ARHGEF3: variants seen among roughly 807,000 people sequenced by gnomAD.
ARHGEF3 encodes 59.8 kDA protein.
In ARHGEF3, 28 loss-of-function variants were observed where a neutral mutation model predicts 63.2. The observed-to-expected ratio is 0.44, with a 90% CI of 0.33 to 0.61. The LOEUF is 0.61. Among genes scored for constraint, ARHGEF3 ranks in the 20% least tolerant of loss-of-function variants. ARHGEF3 has a pLI of 0.03. For missense variants in ARHGEF3, 533 were observed against 659.3 expected (o/e 0.81, Z 2.10); for synonymous variants, 266 against 254.2 (o/e 1.05, Z -0.44).
intron 4 of ARHGEF3, among the ~76,000 whole-genome samples, chr3:56,808,641 A>T (rs1332347367): frequency 7.3e-6 from 1 of 137,254 alleles, no homozygotes; most frequent in Non-Finnish European, 1.5e-5. Flanking sequence ...TGAAATTAGC[A>T]AATTTTTTTG....
intron 3 of ARHGEF3, among the ~76,000 whole-genome samples, chr3:56,888,234 G>C (rs1026178534): frequency 3.9e-5 from 6 of 151,972 alleles, no homozygotes; most frequent in Non-Finnish European, 7.4e-5. Flanking sequence ...CTACGAAAAG[G>C]AATGTCAGAT....
At position 56,995,190 on chromosome 3, in the gene ARHGEF3, A is replaced by C. The variant is rs544194827; in HGVS notation, c.63-36301T>G. Among the ~76,000 whole-genome samples the C allele has an allele frequency of 4.6e-5, 7 of 151,846 alleles. No homozygotes were observed. The East Asian group carries it at 1.2e-3, about 25-fold the overall frequency. On this transcript the variant is annotated intron_variant, in intron 2 of 12. Transcript: ENST00000338458. ...CTGGGGCACAGAGCACCAATTTTCA[A>C]CTCTTTGTAAAGCAATTTATGCTCA...
At chr3:56,908,567 C>T (rs988225198) in intron 3 of ARHGEF3, among the ~76,000 whole-genome samples, 15 of 152,148 alleles carry the variant, frequency 9.9e-5, no homozygotes, top group Admixed American at 7.9e-4. Flanking sequence ...GCTTCAGATA[C>T]GAGGGACAAG....
intron 2 of ARHGEF3, among the ~76,000 whole-genome samples, chr3:57,015,543 C>T (rs111858145): frequency 0.015 from 2,150 of 140,846 alleles, 56 homozygotes; most frequent in African/African-American, 0.051. Context: ...AAGCTATCCT[C>T]CCGCCTCAGC....
At chr3:56,828,886 A>G (rs2038830794) in intron 4 of ARHGEF3, among the ~76,000 whole-genome samples, 1 of 152,074 alleles carries the variant, frequency 6.6e-6, no homozygotes, top group Admixed American at 6.6e-5. Context: ...TACACACACC[A>G]CTGTTTCTCT....
At chr3:56,968,076 T>TA (rs1700684137) in intron 2 of ARHGEF3, among the ~76,000 whole-genome samples, 1 of 57,274 alleles carries the variant, frequency 1.7e-5, no homozygotes, top group African/African-American at 6.8e-5. Flanking sequence ...ATATAATATA[T>TA]TATATATTTA....
At chr3:56,889,047 C>T (rs1366940504) in intron 3 of ARHGEF3, among the ~76,000 whole-genome samples, 1 of 152,006 alleles carries the variant, frequency 6.6e-6, no homozygotes, top group Non-Finnish European at 1.5e-5. Context: ...GTGAACATTG[C>T]CAGAGACTCG....
intron 2 of ARHGEF3, among the ~76,000 whole-genome samples, chr3:56,961,791 C>T (rs1047644873): frequency 6.6e-6 from 1 of 152,164 alleles, no homozygotes; most frequent in Non-Finnish European, 1.5e-5. Flanking sequence ...GCCTGTAATC[C>T]CAGCATTTTG....
At chr3:56,843,453 G>C (rs890099142) in intron 4 of ARHGEF3, among the ~76,000 whole-genome samples, 18 of 150,396 alleles carry the variant, frequency 1.2e-4, no homozygotes, top group Non-Finnish European at 2.1e-4. Context: ...TTTTTATAGA[G>C]AAAGGGTTTC....
chr3:56,836,848 G>A (rs541013322), intron 4 of ARHGEF3, among the ~76,000 whole-genome samples: 2 of 152,242 alleles, frequency 1.3e-5, no homozygotes, highest in South Asian at 4.1e-4. Flanking sequence ...TATCACCTGA[G>A]CCTGAGAGGT....
intron 1 of ARHGEF3, among the ~76,000 whole-genome samples, chr3:57,064,112 C>CA (rs1705388292): frequency 6.6e-6 from 1 of 151,946 alleles, no homozygotes; most frequent in African/African-American, 2.4e-5. Flanking sequence ...ACCAAAAATA[C>CA]AAAAAAATTA....
At chr3:56,766,445 A>G (rs558980367) in intron 2 of ARHGEF3, among the ~76,000 whole-genome samples, 4 of 152,334 alleles carry the variant, frequency 2.6e-5, no homozygotes, top group Non-Finnish European at 4.4e-5. Context: ...GTTGAAGAAG[A>G]TGGGCAGGGC....
At chr3:56,984,979 A>C (rs1701476831) in intron 2 of ARHGEF3, among the ~76,000 whole-genome samples, 1 of 152,210 alleles carries the variant, frequency 6.6e-6, no homozygotes, top group Non-Finnish European at 1.5e-5. Flanking sequence ...TATTATGGGA[A>C]GTCATATTTC....
chr3:56,851,469 C>T lies in ARHGEF3; in HGVS notation c.192+30823G>A, dbSNP rs374463512. Among the ~76,000 whole-genome samples the T allele has an allele frequency of 2.0e-4, 30 of 152,298 alleles. 1 individual carries two copies. In the South Asian group the frequency reaches 5.2e-3, roughly 26 times the overall value. On this transcript the variant is annotated intron_variant, in intron 4 of 12. Coordinates refer to the ARHGEF3 transcript ENST00000338458. ...AAAAGAAATTTATTTCTTACAGTTC[C>T]GTAGGCTGAAAGAGTTCAAGCAATT...
chr3:57,002,528 T>C, intron 2 of ARHGEF3, among the ~76,000 whole-genome samples: 1 of 89,444 alleles, frequency 1.1e-5, no homozygotes, highest in Non-Finnish European at 2.5e-5. Flanking sequence ...TATATGTATG[T>C]TATATATGTA....
At position 57,019,341 on chromosome 3, in the gene ARHGEF3, T is replaced by C. The variant is rs571797755; in HGVS notation, c.62+15747A>G. ...CAATTCTTCAGGATCAGGTTTCTTA[T>C]TTTTTCCCTGGACCCAAGTGTGTGC... On this transcript the variant is annotated intron_variant, in intron 2 of 12. Coordinates refer to the ARHGEF3 transcript ENST00000338458. Among the ~76,000 whole-genome samples the C allele has an allele frequency of 2.0e-5, 3 of 152,172 alleles. No individual in the cohort carries two copies. In the East Asian group the frequency reaches 5.8e-4, roughly 29 times the overall value.
intron 2 of ARHGEF3, among the ~76,000 whole-genome samples, chr3:57,001,302 GT>G (rs1456082491): frequency 2.0e-5 from 3 of 152,178 alleles, no homozygotes; most frequent in African/African-American, 7.2e-5. Flanking sequence ...ATGCATGCAG[GT>G]GATAACTGCT....
chr3:56,926,096 A>G (rs1399263947), intron 3 of ARHGEF3, among the ~76,000 whole-genome samples: 1 of 152,230 alleles, frequency 6.6e-6, no homozygotes, highest in African/African-American at 2.4e-5. Context: ...ACAGCCTCGA[A>G]GCACTAGGCT....
chr3:57,055,573 G>T (rs1238494459), intron 1 of ARHGEF3, among the ~76,000 whole-genome samples: 1 of 152,100 alleles, frequency 6.6e-6, no homozygotes, highest in Admixed American at 6.6e-5. Flanking sequence ...GCACATTTAG[G>T]TTCTCAATCC....
Sources: gnomAD v4.1 joint callset for allele counts (sites outside exome capture counted in the v4.1 genomes callset) on GRCh38, gnomAD v4.1.1 for gene constraint, MANE v1.5 for transcripts, NCBI Gene and HGNC (gene_info 2026-07-23, HGNC 2026-07-21) for gene names.